RIT2: variants seen among roughly 807,000 people sequenced by gnomAD.
The protein encoded by RIT2 is Ras like without CAAX 2, also known as GTP-binding protein Rit2.
Under a neutral mutation model 23.7 loss-of-function variants are expected in RIT2, and 24 were observed. That is an observed-to-expected ratio of 1.01 (90% CI 0.73 to 1.43). RIT2 has a LOEUF of 1.43. RIT2 is among the 40% of genes most tolerant of loss of function. RIT2 has a pLI of 0.00. For synonymous variants in RIT2, 107 were observed against 91.1 expected, an observed-to-expected ratio of 1.17 and a Z score of -0.99; for missense variants, 236 against 266.9, an observed-to-expected ratio of 0.88 and a Z score of 0.81.
At chr18:42,893,800 C>T (rs1908247896) in intron 4 of RIT2, among the ~76,000 whole-genome samples, 1 of 152,142 alleles carries the variant, frequency 6.6e-6, no homozygotes, top group African/African-American at 2.4e-5. Context: ...TTCATTCTGT[C>T]ATGGGCTGGT....
intron 2 of RIT2, among the ~76,000 whole-genome samples, chr18:43,020,489 C>T (rs1334584876): frequency 6.6e-6 from 1 of 151,130 alleles, no homozygotes; most frequent in East Asian, 2.0e-4. Flanking sequence ...CTGTCTAAAA[C>T]AAAACAAAAC....
intron 4 of RIT2, among the ~76,000 whole-genome samples, chr18:42,903,758 TATTTTA>T (rs1187445181): frequency 1.3e-5 from 2 of 152,108 alleles, no homozygotes; most frequent in African/African-American, 4.8e-5. Context: ...CTACTAGACT[TATTTTA>T]TAAGTCATTC....
chr18:42,978,607 C>T (rs978548637), intron 2 of RIT2, among the ~76,000 whole-genome samples: 1 of 152,130 alleles, frequency 6.6e-6, no homozygotes, highest in African/African-American at 2.4e-5. Flanking sequence ...AAAGCTTTAT[C>T]AGGCAGAAAT....
At chr18:43,100,187 C>T (rs1319474699) in intron 1 of RIT2, among the ~76,000 whole-genome samples, 10 of 151,902 alleles carry the variant, frequency 6.6e-5, no homozygotes, top group African/African-American at 1.5e-4. Context: ...TAGGCTGGTG[C>T]GGACAGGTCC....
intron 4 of RIT2, among the ~76,000 whole-genome samples, chr18:42,890,673 CG>C (rs1412716949): frequency 6.6e-6 from 1 of 151,952 alleles, no homozygotes; most frequent in Non-Finnish European, 1.5e-5. Flanking sequence ...TCTTGTTAAA[CG>C]TTTACTAAAT....
At chr18:43,109,903 T>C (rs571347885) in intron 1 of RIT2, among the ~76,000 whole-genome samples, 43 of 152,312 alleles carry the variant, frequency 2.8e-4, no homozygotes, top group South Asian at 1.7e-3. Flanking sequence ...AGTTCTCATC[T>C]GACATTGGGA....
At chr18:43,024,452 T>C (rs982952282) in intron 2 of RIT2, among the ~76,000 whole-genome samples, 1 of 151,922 alleles carries the variant, frequency 6.6e-6, no homozygotes, top group Non-Finnish European at 1.5e-5. Context: ...ATATATTTTT[T>C]AAAAAAACTA....
At chr18:42,981,644 CCAGAAA>C (rs1910601252) in intron 2 of RIT2, among the ~76,000 whole-genome samples, 1 of 150,900 alleles carries the variant, frequency 6.6e-6, no homozygotes, top group African/African-American at 2.4e-5. Context: ...GATCAAAATT[CCAGAAA>C]TAGAATTCTG....
At chr18:42,978,472 A>AAT (rs1042936881) in intron 2 of RIT2, among the ~76,000 whole-genome samples, 15 of 152,178 alleles carry the variant, frequency 9.9e-5, no homozygotes, top group African/African-American at 3.4e-4. Flanking sequence ...CCCATGCAGA[A>AAT]ATACACTGTC....
intron 2 of RIT2, among the ~76,000 whole-genome samples, chr18:42,991,160 C>G (rs1461666045): frequency 6.6e-6 from 1 of 152,104 alleles, no homozygotes; most frequent in African/African-American, 2.4e-5. Flanking sequence ...TGAGTCCTAC[C>G]TTCCATGATT....
chr18:43,038,316 T>A (rs1338117498), intron 1 of RIT2, among the ~76,000 whole-genome samples: 2 of 149,660 alleles, frequency 1.3e-5, no homozygotes, highest in African/African-American at 4.9e-5. Context: ...AATCGTGGTT[T>A]TTTTTTTTTT....
At chr18:43,067,657 T>C (rs1489355115) in intron 1 of RIT2, among the ~76,000 whole-genome samples, 1 of 152,166 alleles carries the variant, frequency 6.6e-6, no homozygotes, top group Non-Finnish European at 1.5e-5. Flanking sequence ...AGACCAAAGT[T>C]TTATCATGCA....
intron 4 of RIT2, among the ~76,000 whole-genome samples, chr18:42,748,643 T>C (rs1232375447): frequency 6.6e-6 from 1 of 152,046 alleles, no homozygotes; most frequent in Non-Finnish European, 1.5e-5. Context: ...TGCACATGCA[T>C]ATTTATAGCA....
Position 42,837,268 on chromosome 18 carries a change from C to T in RIT2, c.426+86304G>A, listed in dbSNP as rs182401608. 5.5e-3 allele frequency among the ~76,000 whole-genome samples: 784 copies of T among 142,996 alleles called. 8 individuals carry two copies. The highest frequency in any genetic ancestry group is 0.034 in the Middle Eastern group (9 of 266). 93.8% of individuals were successfully genotyped at this position (142,996 alleles called of 152,430 possible). A position where few individuals can be genotyped will look rare whatever the true frequency, so the allele number is the denominator to read the frequency against. On this transcript the variant is annotated intron_variant, in intron 4 of 4. Coordinates refer to ENST00000326695, the MANE Select transcript of RIT2 (RefSeq NM_002930.4). Reference sequence around the variant, plus strand: ...CTGCAAACTCCAGCTCCCGGGCTCACGCCATTCTTCTGCCTCAGCATCCAG... The same window carrying T: ...CTGCAAACTCCAGCTCCCGGGCTCATGCCATTCTTCTGCCTCAGCATCCAG...
At chr18:43,002,953 C>T (rs578151940) in intron 2 of RIT2, among the ~76,000 whole-genome samples, 10 of 151,836 alleles carry the variant, frequency 6.6e-5, no homozygotes, top group East Asian at 3.9e-4. Context: ...GATGTGACTA[C>T]GGAAGGAAGG....
chr18:42,844,646 G>T (rs1002190900), intron 4 of RIT2, among the ~76,000 whole-genome samples: 1 of 151,868 alleles, frequency 6.6e-6, no homozygotes, highest in Non-Finnish European at 1.5e-5. Flanking sequence ...GTCTTTATAG[G>T]CACAGGATAG....
intron 1 of RIT2, among the ~76,000 whole-genome samples, chr18:43,035,225 T>C (rs1911947701): frequency 6.6e-6 from 1 of 152,192 alleles, no homozygotes. Context: ...TTAACAATTG[T>C]TTACTTCCTT....
chr18:43,053,093 G>T (rs1341881052), intron 1 of RIT2, among the ~76,000 whole-genome samples: 3 of 152,062 alleles, frequency 2.0e-5, no homozygotes, highest in African/African-American at 7.2e-5. Flanking sequence ...TGGCCACGTT[G>T]TAGGGGTATA....
chr18:42,953,569 A>C (rs925135575), intron 3 of RIT2, among the ~76,000 whole-genome samples: 14 of 152,292 alleles, frequency 9.2e-5, no homozygotes, highest in Admixed American at 9.2e-4. Flanking sequence ...AGGGATGCTT[A>C]CAAGAATAAC....
Sources: gnomAD v4.1 joint callset for allele counts (sites outside exome capture counted in the v4.1 genomes callset) on GRCh38, gnomAD v4.1.1 for gene constraint, MANE v1.5 for transcripts, NCBI Gene and HGNC (gene_info 2026-07-23, HGNC 2026-07-21) for gene names.